The following PHACTR1 variants were observed in gnomAD, a reference collection of about 807,000 sequenced individuals.
PHACTR1 encodes the protein phosphatase and actin regulator 1.
Under a neutral mutation model 69.2 loss-of-function variants are expected in PHACTR1, and 16 were observed. The ratio of observed to expected loss-of-function variants is 0.23; its 90% CI spans 0.16 to 0.35. PHACTR1 has a LOEUF of 0.35. PHACTR1 is among the 10% of genes least tolerant of loss of function. The probability of loss-of-function intolerance (pLI) is 1.00; values close to 1 mark genes in which losing one functional copy is unlikely to be tolerated. For missense variants in PHACTR1, 510 were observed against 734.7 expected (o/e 0.69, Z 3.54); for synonymous variants, 312 against 284.5 (o/e 1.10, Z -0.97).
At chr6:13,258,701 C>T (rs575206599) in intron 10 of PHACTR1, among the ~76,000 whole-genome samples, 1 of 152,252 alleles carries the variant, frequency 6.6e-6, no homozygotes, top group Admixed American at 6.5e-5. Context: ...AAGACTCTGA[C>T]AGAGGGTTAC....
At chr6:12,829,965 A>AGAGC (rs10649235) in intron 4 of PHACTR1, among the ~76,000 whole-genome samples, 4 of 17,530 alleles carry the variant, frequency 2.3e-4, no homozygotes, top group African/African-American at 9.1e-4. Context: ...CAAGAAAGAA[A>AGAGC]GAGAGAGAGA....
intron 2 of PHACTR1, chr6:12,718,308 A>C (rs1761648578): frequency 6.6e-6 from 1 of 152,296 alleles, no homozygotes. Context: ...CGAAAGTCCC[A>C]GGATGAGCTG....
At chr6:12,820,061 G>A (rs990326082) in intron 4 of PHACTR1, among the ~76,000 whole-genome samples, 2 of 152,182 alleles carry the variant, frequency 1.3e-5, no homozygotes, top group South Asian at 2.1e-4. Flanking sequence ...AGAACTTAAC[G>A]ATTTGGAGGA....
In PHACTR1 at chr6:13,275,664, C is replaced by T. The variant is rs1681544765; in HGVS notation, c.1448-2604C>T. 6.6e-6 allele frequency: 1 copy of T among 152,074 alleles called. No homozygotes were observed. Among genetic ancestry groups the T allele is most frequent in the South Asian group, 2.1e-4 (1 of 4,828 alleles). The allele number at this position is 152,074 out of a possible 1,614,324, so 9.4% of individuals were successfully genotyped here. Reference sequence around the variant, plus strand: ...ACTGAGCCAGGTAGGGTGTGACTGGCCACTTAACACCCCTGAGGCTTCAGA... The same window carrying T: ...ACTGAGCCAGGTAGGGTGTGACTGGTCACTTAACACCCCTGAGGCTTCAGA... On this transcript the variant is annotated intron_variant, in intron 11 of 14. Transcript: ENST00000332995. This position sits in a 1 kb window ranked among gnomAD's most constrained non-coding sequence, Gnocchi z 4.0.
intron 5 of PHACTR1, among the ~76,000 whole-genome samples, chr6:13,153,737 T>C (rs575985800): frequency 7.5e-4 from 115 of 152,348 alleles, no homozygotes; most frequent in Non-Finnish European, 1.4e-3. Flanking sequence ...CATATTCATT[T>C]TGGGGAGAAC....
chr6:13,178,487 T>G (rs1761718446), intron 6 of PHACTR1, among the ~76,000 whole-genome samples: 1 of 152,246 alleles, frequency 6.6e-6, no homozygotes, highest in African/African-American at 2.4e-5. Context: ...AAGGACTTAT[T>G]AGATGTGCAC....
intron 4 of PHACTR1, among the ~76,000 whole-genome samples, chr6:12,952,459 T>C (rs1791415925): frequency 6.6e-6 from 1 of 152,256 alleles, no homozygotes; most frequent in Non-Finnish European, 1.5e-5. Flanking sequence ...GAATATCATG[T>C]AGTCAGACTC....
At chr6:12,972,793 A>G (rs1313473048) in intron 4 of PHACTR1, among the ~76,000 whole-genome samples, 1 of 151,928 alleles carries the variant, frequency 6.6e-6, no homozygotes, top group Non-Finnish European at 1.5e-5. Flanking sequence ...CTGAGACTAC[A>G]GGCACACGCC....
chr6:12,838,002 G>A (rs1337740147), intron 4 of PHACTR1, among the ~76,000 whole-genome samples: 1 of 152,212 alleles, frequency 6.6e-6, no homozygotes, highest in Non-Finnish European at 1.5e-5. Context: ...TCATGTCATT[G>A]TCAGCAGAAT....
chr6:12,996,960 G>A (rs1477245900), intron 4 of PHACTR1, among the ~76,000 whole-genome samples: 1 of 152,152 alleles, frequency 6.6e-6, no homozygotes, highest in Non-Finnish European at 1.5e-5. Context: ...GAGGTCAGGA[G>A]TTTGAGACCA....
At chr6:12,787,586 A>T (rs1771696071) in intron 4 of PHACTR1, among the ~76,000 whole-genome samples, 1 of 152,134 alleles carries the variant, frequency 6.6e-6, no homozygotes, top group Non-Finnish European at 1.5e-5. Flanking sequence ...AAAGTTAGGG[A>T]GACTATGGGG....
At chr6:13,025,160 TAGG>T (rs1801506087) in intron 4 of PHACTR1, among the ~76,000 whole-genome samples, 1 of 151,532 alleles carries the variant, frequency 6.6e-6, no homozygotes, top group Non-Finnish European at 1.5e-5. Context: ...GAGGCTGAGG[TAGG>T]AGGATTGCTT....
intron 5 of PHACTR1, among the ~76,000 whole-genome samples, chr6:13,127,565 G>A (rs1416283152): frequency 2.0e-5 from 3 of 152,154 alleles, no homozygotes; most frequent in African/African-American, 4.8e-5. Context: ...GAGAGACCCT[G>A]TAAAAAAGAA....
chr6:13,052,274 G>A (rs1806078141), intron 4 of PHACTR1, among the ~76,000 whole-genome samples: 1 of 152,224 alleles, frequency 6.6e-6, no homozygotes, highest in African/African-American at 2.4e-5. Flanking sequence ...GATCTCCTGA[G>A]TTAAAACTAT....
At chr6:13,032,022 G>A (rs528892074) in intron 4 of PHACTR1, among the ~76,000 whole-genome samples, 1 of 152,186 alleles carries the variant, frequency 6.6e-6, no homozygotes, top group African/African-American at 2.4e-5. Flanking sequence ...TGACCCTTAT[G>A]GAATTTACTA....
chr6:12,888,243 C>T (rs1230305853), intron 4 of PHACTR1, among the ~76,000 whole-genome samples: 1 of 152,074 alleles, frequency 6.6e-6, no homozygotes, highest in Non-Finnish European at 1.5e-5. Flanking sequence ...CATTCATCCC[C>T]TTTTGCCCTT....
At chr6:12,766,214 A>C (rs1251005067) in intron 4 of PHACTR1, among the ~76,000 whole-genome samples, 2 of 152,222 alleles carry the variant, frequency 1.3e-5, no homozygotes, top group Non-Finnish European at 2.9e-5. Flanking sequence ...CCATGTCCTG[A>C]GAATATAAAC....
chr6:13,169,708 A>G (rs9463495), intron 6 of PHACTR1, among the ~76,000 whole-genome samples: 9,233 of 152,220 alleles, frequency 0.061, 757 homozygotes, highest in African/African-American at 0.18. Flanking sequence ...ATCAGGAATA[A>G]AAGTGCCCTT....
At chr6:13,166,988 AT>A (rs1294613168) in intron 6 of PHACTR1, among the ~76,000 whole-genome samples, 3 of 152,178 alleles carry the variant, frequency 2.0e-5, no homozygotes, top group Admixed American at 1.3e-4. Flanking sequence ...TAGTGATAAT[AT>A]TTCTCACACT....
Sources: allele counts gnomAD v4.1 joint callset (sites outside exome capture counted in the v4.1 genomes callset), GRCh38; gene constraint gnomAD v4.1.1; non-coding constraint Gnocchi (gnomAD v3.1); transcripts MANE v1.5; gene names NCBI Gene and HGNC (gene_info 2026-07-23, HGNC 2026-07-21).